The following PTPN3 variants were observed in gnomAD, a reference collection of about 807,000 sequenced individuals.
PTPN3 encodes the protein protein tyrosine phosphatase non-receptor type 3.
Under a neutral mutation model 132.7 loss-of-function variants are expected in PTPN3, and 96 were observed. That is an observed-to-expected ratio of 0.72 (90% CI 0.61 to 0.86). PTPN3 has a LOEUF of 0.86. Ranked by LOEUF, PTPN3 falls within the 40% of genes least tolerant of loss-of-function variation. The probability of loss-of-function intolerance (pLI) is 0.00; values close to 1 mark genes in which losing one functional copy is unlikely to be tolerated. For synonymous variants in PTPN3, 398 were observed against 429.0 expected, an observed-to-expected ratio of 0.93 and a Z score of 0.89; for missense variants, 1,125 against 1,159.6, an observed-to-expected ratio of 0.97 and a Z score of 0.43.
At chr9:109,533,158 G>A in the PTPN3 span, among the ~76,000 whole-genome samples, 1 of 28,798 alleles carries the variant, frequency 3.5e-5, no homozygotes, top group African/African-American at 2.1e-4. Context: ...TTTTTTTTGA[G>A]ACGGAGTCTC....
At chr9:109,455,007 C>T (rs375478960) in intron 4 of PTPN3, among the ~76,000 whole-genome samples, 2 of 152,196 alleles carry the variant, frequency 1.3e-5, no homozygotes, top group African/African-American at 4.8e-5. Context: ...GAGTGGGCTA[C>T]GCTGCTACTG....
At chr9:109,384,245 AGTG>A in intron 22 of PTPN3, among the ~76,000 whole-genome samples, 1 of 152,164 alleles carries the variant, frequency 6.6e-6, no homozygotes, top group Non-Finnish European at 1.5e-5. Context: ...CTTGAGTAAC[AGTG>A]ATGAGTTTCC....
chr9:109,458,949 C>T (rs79587374), intron 2 of PTPN3, among the ~76,000 whole-genome samples: 5,917 of 152,282 alleles, frequency 0.039, 312 homozygotes, highest in East Asian at 0.28. Context: ...AGCAACTTTG[C>T]AAAGTGTAGT....
intron 16 of PTPN3, 42 bp from the exon 17 acceptor site, chr9:109,408,419 G>C (rs200910544): frequency 8.9e-7 from 1 of 1,123,524 alleles, no homozygotes; most frequent in Non-Finnish European, 1.2e-6. Flanking sequence ...AGTTTTTTAA[G>C]TTAAACAAAC....
In PTPN3 at chr9:109,377,181, G is replaced by C. The variant is rs1838625798; in HGVS notation, c.*2375C>G. 6.6e-6 allele frequency: 1 copy of C among 152,022 alleles called. No individual in the cohort carries two copies. Among genetic ancestry groups the C allele is most frequent in the Admixed American group, 6.6e-5 (1 of 15,256 alleles). 9.4% of individuals were successfully genotyped at this position (152,022 alleles called of 1,614,324 possible). On this transcript the variant is annotated 3_prime_UTR_variant, in exon 26 of 26. Transcript: ENST00000374541. The stretch of plus-strand genomic sequence containing the variant: ...GCGTTCCCTCCATCCCCCTTTCTTG[G>C]AGCTTGCTGAATTTTTGTGAGTCCA...
intron 1 of PTPN3, among the ~76,000 whole-genome samples, chr9:109,489,853 G>A (rs1297630892): frequency 6.6e-6 from 1 of 151,978 alleles, no homozygotes; most frequent in Non-Finnish European, 1.5e-5. Context: ...AAAATAGCAG[G>A]ATTCAAACCT....
At chr9:109,417,409 A>G (rs1842596089) in intron 14 of PTPN3, among the ~76,000 whole-genome samples, 1 of 152,208 alleles carries the variant, frequency 6.6e-6, no homozygotes, top group Non-Finnish European at 1.5e-5. Flanking sequence ...ACTGTCTGTG[A>G]TATTATTCAT....
Position 109,422,718 on chromosome 9 carries a change from C to A in PTPN3, c.1136G>T (p.Trp379Leu), listed in dbSNP as rs1842968234. The A allele has an allele frequency of 3.7e-6, 6 of 1,601,116 alleles. No individual in the cohort carries two copies. The East Asian group carries it at 1.3e-4, about 36-fold the overall frequency. Residue 379 changes from tryptophan (W) to leucine (L), a missense_variant and splice_region_variant, in exon 13 of 26, where the codon TGG becomes TTG. Trp to Leu is a moderately conservative substitution (Grantham distance 61, BLOSUM62 -2). Transcript: ENST00000374541. ...PSRSPPITPN[W>L]RSPRLRHEIR... is the part of the protein sequence containing the mutation. The stretch of plus-strand genomic sequence containing the variant: ...AAAAAAAAAAAAAAGGAGGACATAC[C>A]AGTTGGGAGTAATGGGAGGGGAACG...
intron 1 of PTPN3, among the ~76,000 whole-genome samples, chr9:109,494,899 C>G (rs571389330): frequency 6.6e-6 from 1 of 152,156 alleles, no homozygotes; most frequent in African/African-American, 2.4e-5. Flanking sequence ...CTTGGAATAA[C>G]AAGTTAACCT....
intron 1 of PTPN3, among the ~76,000 whole-genome samples, chr9:109,465,088 T>G (rs568743428): frequency 1.3e-5 from 2 of 152,330 alleles, no homozygotes; most frequent in Non-Finnish European, 2.9e-5. Context: ...TTTACTTTTT[T>G]GAAAAAGAGA....
the PTPN3 span, among the ~76,000 whole-genome samples, chr9:109,510,575 AAATATATATAT>A: frequency 2.4e-5 from 1 of 41,504 alleles, no homozygotes; most frequent in African/African-American, 7.6e-5. Flanking sequence ...AAAAAAAAAA[AAATATATATAT>A]ATATATATAT....
chr9:109,448,448 G>A (rs868185390), intron 6 of PTPN3, among the ~76,000 whole-genome samples: 1 of 152,178 alleles, frequency 6.6e-6, no homozygotes, highest in African/African-American at 2.4e-5. Context: ...TGAGTCATCC[G>A]TGGGTACTAA....
the PTPN3 span, chr9:109,533,720 C>A: frequency 2.0e-6 from 3 of 1,468,030 alleles, no homozygotes; most frequent in East Asian, 2.3e-5. Context: ...CTGTGGTCCA[C>A]GCCCATAGGG....
chr9:109,454,671 A>G (rs1196128393), intron 4 of PTPN3, 97 bp from the exon 5 acceptor site: 1 of 897,682 alleles, frequency 1.1e-6, no homozygotes. Context: ...TTTTCACTCA[A>G]CCATAGCTTT....
chr9:109,468,081 G>C (rs1846188217), intron 1 of PTPN3, among the ~76,000 whole-genome samples: 1 of 152,110 alleles, frequency 6.6e-6, no homozygotes, highest in African/African-American at 2.4e-5. Context: ...CAATCTGGTC[G>C]GGACAATGGA....
chr9:109,455,858 C>A (rs1487744334), intron 4 of PTPN3, among the ~76,000 whole-genome samples: 2 of 152,188 alleles, frequency 1.3e-5, no homozygotes, highest in African/African-American at 4.8e-5. Context: ...AGGGCTTAGC[C>A]CAGCACCTTG....
chr9:109,453,335 AT>A (rs1845376498), intron 5 of PTPN3, among the ~76,000 whole-genome samples: 1 of 152,220 alleles, frequency 6.6e-6, no homozygotes, highest in Non-Finnish European at 1.5e-5. Context: ...GTAAAACAGG[AT>A]TCAATACTAA....
At chr9:109,459,230 G>T (rs10816816) in intron 2 of PTPN3, among the ~76,000 whole-genome samples, 57,628 of 152,206 alleles carry the variant, frequency 0.38, 11,490 homozygotes, top group African/African-American at 0.49. Flanking sequence ...TCATCTTCAC[G>T]GCACCAGGTC....
At position 109,465,706 on chromosome 9, in the gene PTPN3, C is replaced by CAAAAAAAA. The variant is rs34634972; in HGVS notation, c.-17-2263_-17-2256dup. 1.3e-3 allele frequency among the ~76,000 whole-genome samples: 81 copies of CAAAAAAAA among 64,668 alleles called. 1 individual carries two copies. The highest frequency in any genetic ancestry group is 1.5e-3 in the Non-Finnish European group (52 of 35,816). The allele number at this position is 64,668 out of a possible 152,430, so 42.4% of individuals were successfully genotyped here. A position where few individuals can be genotyped will look rare whatever the true frequency, so the allele number is the denominator to read the frequency against. On this transcript the variant is annotated intron_variant, in intron 1 of 25. Coordinates refer to ENST00000374541, the MANE Select transcript of PTPN3 (RefSeq NM_002829.4). ...GGGCAAAAAGAACAAAACTCTGTCT[C>CAAAAAAAA]AAAAAAAAAAAAAAAAAAAAAAAGA...
Sources: gnomAD v4.1 joint callset for allele counts (sites outside exome capture counted in the v4.1 genomes callset) on GRCh38, gnomAD v4.1.1 for gene constraint, MANE v1.5 for transcripts, NCBI Gene and HGNC (gene_info 2026-07-23, HGNC 2026-07-21) for gene names.